The following BTD variants were observed in gnomAD, a reference collection of about 807,000 sequenced individuals.
BTD encodes biotinidase.
Under a neutral mutation model 17.7 loss-of-function variants are expected in BTD, and 13 were observed. The observed-to-expected ratio is 0.74, with a 90% CI of 0.48 to 1.17. The LOEUF is 1.17. BTD is among the 50% of genes most tolerant of loss of function. BTD has a pLI of 0.00. For missense variants in BTD, 674 were observed against 650.4 expected, an observed-to-expected ratio of 1.04 and a Z score of -0.39; for synonymous variants, 240 against 245.2, an observed-to-expected ratio of 0.98 and a Z score of 0.20.
chr3:15,716,849 C>A (rs747260169), downstream of BTD, among the ~76,000 whole-genome samples: 3 of 152,120 alleles, frequency 2.0e-5, no homozygotes, highest in Admixed American at 6.5e-5. Context: ...ATAATTCCAG[C>A]GCTTGGGGAG....
In BTD at chr3:15,653,010, G is replaced by C. The variant is rs1451054154; in HGVS notation, c.*7522G>C. Among the ~76,000 whole-genome samples, 1 of 152,200 alleles carries C rather than the reference G, an allele frequency of 6.6e-6. No homozygotes were observed. The highest frequency in any genetic ancestry group is 1.9e-4 in the East Asian group (1 of 5,202). Reference sequence around the variant, plus strand: ...AAGTTCTAGAGGAGGTATTCTGACAGTGGCCAGGAAAACCTCCTGCCCGCA... The same window carrying C: ...AAGTTCTAGAGGAGGTATTCTGACACTGGCCAGGAAAACCTCCTGCCCGCA... On this transcript the variant is annotated 3_prime_UTR_variant, in exon 4 of 4. Coordinates refer to ENST00000643237, the MANE Select transcript of BTD (RefSeq NM_001370658.1).
At chr3:15,694,792 C>T (rs1037068639) in intron 3 of BTD, 1 of 1,613,430 alleles carries the variant, frequency 6.2e-7, no homozygotes, top group Admixed American at 1.7e-5. Context: ...CTCAGCATGT[C>T]TGTTCCTGAG....
intron 3 of BTD, chr3:15,686,316 A>G (rs7630642): frequency 0.11 from 177,535 of 1,559,908 alleles, 16,633 homozygotes; most frequent in East Asian, 0.54. Flanking sequence ...GTTGCTGTAA[A>G]GTGAAATTTA....
intron 4 of BTD, among the ~76,000 whole-genome samples, chr3:15,718,547 C>T (rs990214650): frequency 2.6e-5 from 4 of 152,082 alleles, no homozygotes; most frequent in African/African-American, 4.8e-5. Flanking sequence ...ATCACAGGTA[C>T]TATAGTCACC....
downstream of BTD, among the ~76,000 whole-genome samples, chr3:15,657,412 A>G (rs2065882176): frequency 1.3e-5 from 2 of 152,316 alleles, no homozygotes; most frequent in South Asian, 4.1e-4. Flanking sequence ...ATAACTCTGT[A>G]AGATAGATAT....
At chr3:15,642,366 A>C (rs2065536755) in intron 3 of BTD, 2 of 869,726 alleles carry the variant, frequency 2.3e-6, no homozygotes, top group African/African-American at 1.7e-5. Flanking sequence ...ACCTCATCCC[A>C]TGCCCTTGCT....
exon 4 of BTD, chr3:15,712,074 A>C: frequency 4.1e-6 from 5 of 1,209,704 alleles, no homozygotes; most frequent in Non-Finnish European, 6.0e-6. Flanking sequence ...AAAGCAGGAT[A>C]GAGACCATCT....
rs1382401274 is a variant in BTD at position 15,694,784 on chromosome 3, C to T, written c.400-15276C>T. 10 of 1,613,568 alleles carry T rather than the reference C, an allele frequency of 6.2e-6. 1 individual carries two copies. On this transcript the variant is annotated intron_variant, in intron 3 of 3. Transcript: ENST00000672141. ...TTGTTGCTCTATTATCTGAATCACT[C>T]AGCATGTCTGTTCCTGAGGTTTCCA... is the stretch of plus-strand genomic sequence containing the variant.
chr3:15,601,379 G>A (rs1206019176), upstream of BTD: 4 of 1,613,932 alleles, frequency 2.5e-6, no homozygotes, highest in African/African-American at 1.3e-5. Context: ...AAGGTCCATC[G>A]TACTTGCGTT....
intron 3 of BTD, among the ~76,000 whole-genome samples, chr3:15,673,458 A>G (rs1007931553): frequency 2.6e-5 from 4 of 152,240 alleles, no homozygotes; most frequent in Non-Finnish European, 5.9e-5. Flanking sequence ...CAACTGACAA[A>G]GATTTCACTG....
In BTD at chr3:15,648,305, AAAGGCCTAG is replaced by A. The variant is rs2065740488; in HGVS notation, c.*2819_*2827del. 6.6e-6 allele frequency among the ~76,000 whole-genome samples: 1 copy of A among 152,218 alleles called. No homozygotes were observed. The highest frequency in any genetic ancestry group is 2.4e-5 in the African/African-American group (1 of 41,452). Reference sequence around the variant, plus strand: ...TAAAAGTATGAAATGTTTTGTGCACAAAGGCCTAGATTTGAGACAAGAGCTGATGTGGCC... The same window carrying A: ...TAAAAGTATGAAATGTTTTGTGCACAATTTGAGACAAGAGCTGATGTGGCC... On this transcript the variant is annotated 3_prime_UTR_variant, in exon 4 of 4. Transcript: ENST00000643237.
In BTD at chr3:15,646,121, G is replaced by A. The variant is rs947602568; in HGVS notation, c.*633G>A. ...CTGCCAGTAATGGAATTTTCTGTCA[G>A]TAAATGGAATGTGTAGGCAGGACCT... On this transcript the variant is annotated 3_prime_UTR_variant, in exon 4 of 4. Coordinates refer to ENST00000643237, the MANE Select transcript of BTD (RefSeq NM_001370658.1). The A allele has an allele frequency of 6.6e-6, 1 of 152,072 alleles. No individual in the cohort carries two copies. Among genetic ancestry groups the A allele is most frequent in the South Asian group, 2.1e-4 (1 of 4,814 alleles). The allele number at this position is 152,072 out of a possible 1,614,324, so 9.4% of individuals were successfully genotyped here.
At chr3:15,616,319 T>A (rs1011000819) in intron 1 of BTD, among the ~76,000 whole-genome samples, 1 of 152,146 alleles carries the variant, frequency 6.6e-6, no homozygotes, top group East Asian at 1.9e-4. Context: ...TTGGTCTTTT[T>A]AAAAATTGTT....
At chr3:15,676,885 A>G in intron 3 of BTD, 1 of 1,066,324 alleles carries the variant, frequency 9.4e-7, no homozygotes, top group Non-Finnish European at 1.4e-6. Context: ...AATGAAACCT[A>G]TTCCAATAGT....
intron 2 of BTD, among the ~76,000 whole-genome samples, chr3:15,640,779 C>G (rs1316660526): frequency 6.6e-6 from 1 of 151,972 alleles, no homozygotes; most frequent in Non-Finnish European, 1.5e-5. Context: ...TACATGTATA[C>G]AGAGAGAAAA....
downstream of BTD, among the ~76,000 whole-genome samples, chr3:15,654,105 C>G (rs558761975): frequency 1.8e-4 from 27 of 152,324 alleles, no homozygotes; most frequent in African/African-American, 5.8e-4. Context: ...ACCCCCAAAA[C>G]AAATTGCTAA....
At chr3:15,716,938 G>C (rs1018395841), downstream of BTD, among the ~76,000 whole-genome samples, 1 of 152,024 alleles carries the variant, frequency 6.6e-6, no homozygotes, top group Non-Finnish European at 1.5e-5. Context: ...CTCTGGGCTG[G>C]TCAACAGAGT....
intron 1 of BTD, among the ~76,000 whole-genome samples, chr3:15,626,304 C>T (rs942900977): frequency 6.6e-6 from 1 of 152,196 alleles, no homozygotes; most frequent in Non-Finnish European, 1.5e-5. Context: ...GTAGCAGTCT[C>T]CTTCTACTTT....
chr3:15,721,055 T>G, intron 4 of BTD: 1 of 1,613,922 alleles, frequency 6.2e-7, no homozygotes, highest in Non-Finnish European at 8.5e-7. Flanking sequence ...ATAAGTTCAT[T>G]CACTACAACA....
Sources: gnomAD v4.1 joint callset for allele counts (sites outside exome capture counted in the v4.1 genomes callset) on GRCh38, gnomAD v4.1.1 for gene constraint, MANE v1.5 for transcripts, NCBI Gene and HGNC (gene_info 2026-07-23, HGNC 2026-07-21) for gene names.